The following C10orf143 variants were observed in gnomAD, a reference collection of about 807,000 sequenced individuals.
C10orf143 encodes chromosome 10 open reading frame 143.
intron 1 of C10orf143, chr10:130,108,538 C>A: frequency 1.6e-6 from 1 of 627,128 alleles, no homozygotes; most frequent in Non-Finnish European, 2.9e-6. Context: ...CACTTTTGCT[C>A]AAATTGAAAC....
chr10:130,091,447 T>C (rs1363996624), intron 1 of C10orf143, among the ~76,000 whole-genome samples: 1 of 152,016 alleles, frequency 6.6e-6, no homozygotes, highest in Admixed American at 6.5e-5. Flanking sequence ...GATAAATCCA[T>C]GAAGATGAGG....
intron 1 of C10orf143, among the ~76,000 whole-genome samples, chr10:130,089,836 C>T (rs749647965): frequency 6.6e-5 from 10 of 152,110 alleles, no homozygotes; most frequent in Non-Finnish European, 1.0e-4. Context: ...GGTGCTGACA[C>T]GATTCAATAT....
At chr10:130,096,204 C>T (rs1229148127) in intron 1 of C10orf143, among the ~76,000 whole-genome samples, 1 of 152,178 alleles carries the variant, frequency 6.6e-6, no homozygotes, top group Non-Finnish European at 1.5e-5. Flanking sequence ...CTCATCATCA[C>T]TGGTCATTAG....
At chr10:130,094,302 G>A (rs2134794112) in intron 1 of C10orf143, among the ~76,000 whole-genome samples, 1 of 152,290 alleles carries the variant, frequency 6.6e-6, no homozygotes, top group Admixed American at 6.5e-5. Context: ...GAGGTACAAA[G>A]AGGAGCTGGT....
rs765690862 is a variant in C10orf143 at position 130,038,182 on chromosome 10, G to A, written c.298-2212C>T. Reference sequence around the variant, plus strand: ...TCTTCCAGCAGGTACAGGCACAGAGGGAGGCATGGACCCTGCAGCAACTGG... The same window carrying A: ...TCTTCCAGCAGGTACAGGCACAGAGAGAGGCATGGACCCTGCAGCAACTGG... On this transcript the variant is annotated intron_variant and NMD_transcript_variant, in intron 3 of 5. Coordinates refer to the C10orf143 transcript ENST00000643056. 2.6e-5 allele frequency among the ~76,000 whole-genome samples: 4 copies of A among 152,184 alleles called. 1 individual carries two copies. Among genetic ancestry groups the A allele is most frequent in the Non-Finnish European group, 5.9e-5 (4 of 68,040 alleles).
At chr10:130,085,795 A>T (rs919967789) in intron 1 of C10orf143, among the ~76,000 whole-genome samples, 4 of 151,838 alleles carry the variant, frequency 2.6e-5, no homozygotes. Flanking sequence ...TGAAAAAAAA[A>T]TATCTTGCAT....
At chr10:130,084,350 A>C (rs796174987) in intron 1 of C10orf143, among the ~76,000 whole-genome samples, 40 of 152,264 alleles carry the variant, frequency 2.6e-4, no homozygotes, top group African/African-American at 7.9e-4. Context: ...TAGAAACTCA[A>C]ACGCTAAATA....
intron 3 of C10orf143, among the ~76,000 whole-genome samples, chr10:130,043,805 C>G (rs1404283118): frequency 6.6e-6 from 1 of 152,258 alleles, no homozygotes; most frequent in Non-Finnish European, 1.5e-5. Flanking sequence ...TCCATCCTGA[C>G]AGTTAAACCA....
At chr10:130,062,984 C>CA (rs143088701), downstream of C10orf143, among the ~76,000 whole-genome samples, 23,331 of 152,064 alleles carry the variant, frequency 0.15, 2,398 homozygotes, top group Non-Finnish European at 0.22. Flanking sequence ...CTCCCCACCA[C>CA]ACAGATGGGA....
At chr10:130,075,506 A>G (rs1039871960) in intron 3 of C10orf143, among the ~76,000 whole-genome samples, 11 of 152,226 alleles carry the variant, frequency 7.2e-5, no homozygotes, top group African/African-American at 2.7e-4. Context: ...AGCGCTGGTA[A>G]GAAAACAGAA....
chr10:130,100,435 C>T (rs1861530198), intron 1 of C10orf143, among the ~76,000 whole-genome samples: 1 of 151,972 alleles, frequency 6.6e-6, no homozygotes, highest in Admixed American at 6.6e-5. Context: ...GAGGCTGAGG[C>T]ACGAGAATTG....
chr10:130,082,120 T>C (rs545414757), intron 1 of C10orf143, among the ~76,000 whole-genome samples: 2 of 151,842 alleles, frequency 1.3e-5, no homozygotes, highest in Non-Finnish European at 2.9e-5. Context: ...AAAATATATA[T>C]GAAAGTTTGG....
At chr10:130,055,473 G>A (rs2134736368) in intron 3 of C10orf143, among the ~76,000 whole-genome samples, 1 of 152,302 alleles carries the variant, frequency 6.6e-6, no homozygotes, top group African/African-American at 2.4e-5. Flanking sequence ...ACATAGGAAT[G>A]GCCATGGGTC....
intron 3 of C10orf143, among the ~76,000 whole-genome samples, chr10:130,069,694 T>TC (rs1860999628): frequency 6.6e-6 from 1 of 152,260 alleles, no homozygotes; most frequent in Non-Finnish European, 1.5e-5. Context: ...CACTGCAGCC[T>TC]CCAACTACTG....
In C10orf143 at chr10:130,064,524, C is replaced by T. The variant is rs1366780843; in HGVS notation, c.298-141G>A. On this transcript the variant is annotated intron_variant, in intron 3 of 3. Transcript: ENST00000637128. ...AGTGATAACTTAATTCCTGAGGTAT[C>T]TGTTTATAGATATATTAATATATAT... The T allele has an allele frequency of 7.9e-6, 3 of 381,708 alleles. No individual in the cohort carries two copies. In the Admixed American group the frequency reaches 1.3e-4, roughly 17 times the overall value. 23.6% of individuals were successfully genotyped at this position (381,708 alleles called of 1,614,324 possible).
intron 1 of C10orf143, among the ~76,000 whole-genome samples, chr10:130,096,764 T>G (rs1861468796): frequency 6.7e-6 from 1 of 149,156 alleles, no homozygotes; most frequent in Non-Finnish European, 1.5e-5. Context: ...GATGGGTTGA[T>G]GGGTGCAGCA....
intron 3 of C10orf143, among the ~76,000 whole-genome samples, chr10:130,074,220 G>A (rs577843675): frequency 7.1e-4 from 108 of 152,264 alleles, no homozygotes; most frequent in African/African-American, 2.5e-3. Flanking sequence ...CATCAACCAC[G>A]GTGCATGGCA....
intron 3 of C10orf143, among the ~76,000 whole-genome samples, chr10:130,053,558 A>G (rs1364807353): frequency 2.6e-5 from 4 of 151,896 alleles, no homozygotes; most frequent in African/African-American, 4.8e-5. Flanking sequence ...GGCATGTGAG[A>G]CCCCCACAGG....
intron 1 of C10orf143, chr10:130,106,191 T>G (rs1861643541): frequency 1.0e-6 from 1 of 964,876 alleles, no homozygotes. Context: ...TGTGCAGCTG[T>G]TGCTGCATTT....
Sources: gnomAD v4.1 joint callset for allele counts (sites outside exome capture counted in the v4.1 genomes callset) on GRCh38, gnomAD v4.1.1 for gene constraint, MANE v1.5 for transcripts, NCBI Gene and HGNC (gene_info 2026-07-23, HGNC 2026-07-21) for gene names.